Variants in PRELID2 observed in about 807,000 individuals in gnomAD.
The protein encoded by PRELID2 is PRELI domain-containing protein 2.
In PRELID2, 25 loss-of-function variants were observed where a neutral mutation model predicts 28.4. The observed-to-expected ratio is 0.88, with a 90% CI of 0.64 to 1.23. The LOEUF (loss-of-function observed/expected upper bound fraction) is 1.23, where lower values mean the gene tolerates loss of function less well. Among genes scored for constraint, PRELID2 ranks in the 50% most tolerant of loss-of-function variants. The pLI, the probability that PRELID2 is intolerant of heterozygous loss-of-function variation, is 0.00. For synonymous variants in PRELID2, 76 were observed against 71.6 expected, an observed-to-expected ratio of 1.06 and a Z score of -0.31; for missense variants, 201 against 214.4, an observed-to-expected ratio of 0.94 and a Z score of 0.39.
intron 1 of PRELID2, among the ~76,000 whole-genome samples, chr5:145,575,131 C>T (rs1379851294): frequency 1.3e-5 from 2 of 152,154 alleles, no homozygotes; most frequent in African/African-American, 4.8e-5. Context: ...CTGCTGCTGA[C>T]TCATTAGGCC....
At chr5:145,376,706 G>A in the PRELID2 span, among the ~76,000 whole-genome samples, 1 of 152,124 alleles carries the variant, frequency 6.6e-6, no homozygotes, top group African/African-American at 2.4e-5. Flanking sequence ...CTCTGATGAG[G>A]TTGTTTGTAT....
At chr5:145,316,118 C>T in the PRELID2 span, among the ~76,000 whole-genome samples, 1 of 152,128 alleles carries the variant, frequency 6.6e-6, no homozygotes, top group South Asian at 2.1e-4. Flanking sequence ...AGAATATTTA[C>T]ACCATAGGAG....
chr5:145,829,963 AAAAT>A (rs1755474524), intron 1 of PRELID2, among the ~76,000 whole-genome samples: 1 of 152,250 alleles, frequency 6.6e-6, no homozygotes, highest in Admixed American at 6.5e-5. Context: ...GCTCCCAGCC[AAAAT>A]AAATAACACC....
intron 1 of PRELID2, among the ~76,000 whole-genome samples, chr5:145,744,555 T>C (rs529210004): frequency 2.0e-5 from 3 of 152,224 alleles, no homozygotes; most frequent in South Asian, 2.1e-4. Context: ...GGCGCGGTAG[T>C]GAACCAGATG....
At chr5:145,740,007 A>C (rs1756610817) in intron 1 of PRELID2, among the ~76,000 whole-genome samples, 1 of 151,350 alleles carries the variant, frequency 6.6e-6, no homozygotes, top group East Asian at 1.9e-4. Context: ...ATTAAATGTA[A>C]ATGGCCAAAA....
the PRELID2 span, among the ~76,000 whole-genome samples, chr5:145,292,678 T>C: frequency 6.6e-6 from 1 of 152,120 alleles, no homozygotes; most frequent in Non-Finnish European, 1.5e-5. Context: ...AAAAACAGTG[T>C]TTCTTAAAAA....
intron 1 of PRELID2, among the ~76,000 whole-genome samples, chr5:145,481,650 A>AAAAAAAAAAAAAAG (rs1752162758): frequency 1.7e-5 from 2 of 117,850 alleles, no homozygotes; most frequent in African/African-American, 6.5e-5. Context: ...AAAAAAAAAA[A>AAAAAAAAAAAAAAG]AAAGAAAGAA....
chr5:145,460,776 C>T, the PRELID2 span, among the ~76,000 whole-genome samples: 1 of 152,144 alleles, frequency 6.6e-6, no homozygotes, highest in Middle Eastern at 3.2e-3. Flanking sequence ...AGCCCAAAGT[C>T]CATGTTTTCT....
At chr5:145,238,670 C>A in the PRELID2 span, among the ~76,000 whole-genome samples, 83 of 152,144 alleles carry the variant, frequency 5.5e-4, no homozygotes, top group African/African-American at 1.9e-3. Flanking sequence ...CATCTGACTA[C>A]TCTGTTACTT....
intron 1 of PRELID2, among the ~76,000 whole-genome samples, chr5:145,639,191 A>T (rs1473317143): frequency 6.6e-6 from 1 of 152,214 alleles, no homozygotes; most frequent in Non-Finnish European, 1.5e-5. Flanking sequence ...AACCTATTGC[A>T]TATATAATTC....
rs1581209852 is a variant in PRELID2 at position 145,790,890 on chromosome 5, G to A, written c.474+5552C>T. Among the ~76,000 whole-genome samples, 5 of 39,486 alleles carry A rather than the reference G, an allele frequency of 1.3e-4. No homozygotes were observed. In the South Asian group the frequency reaches 5.1e-3, roughly 40 times the overall value. 25.9% of individuals were successfully genotyped at this position (39,486 alleles called of 152,430 possible). A position where few individuals can be genotyped will look rare whatever the true frequency, so the allele number is the denominator to read the frequency against. Reference sequence around the variant, plus strand: ...AATTAATCCAGCAATTTCACTTCTGGGTATATATATATATATATATACCAA... The same window carrying A: ...AATTAATCCAGCAATTTCACTTCTGAGTATATATATATATATATATACCAA... On this transcript the variant is annotated intron_variant, in intron 5 of 6. Coordinates refer to ENST00000683046, the MANE Select transcript of PRELID2 (RefSeq NM_205846.3).
chr5:145,657,886 C>T (rs1754423443), intron 1 of PRELID2, among the ~76,000 whole-genome samples: 1 of 152,152 alleles, frequency 6.6e-6, no homozygotes, highest in African/African-American at 2.4e-5. Context: ...GTTAAGCATT[C>T]CACAGTCACT....
the PRELID2 span, among the ~76,000 whole-genome samples, chr5:145,291,919 A>C: frequency 6.6e-6 from 1 of 152,190 alleles, no homozygotes; most frequent in Non-Finnish European, 1.5e-5. Context: ...GCCTTTGTTA[A>C]AAGTAAGTTG....
chr5:145,581,007 C>G (rs1753102739), intron 1 of PRELID2, among the ~76,000 whole-genome samples: 1 of 152,018 alleles, frequency 6.6e-6, no homozygotes, highest in South Asian at 2.1e-4. Flanking sequence ...ACCTCACCTA[C>G]TTTGTATCTT....
chr5:145,808,816 C>G (rs973107369), intron 4 of PRELID2, among the ~76,000 whole-genome samples: 2 of 151,848 alleles, frequency 1.3e-5, no homozygotes, highest in Admixed American at 1.3e-4. Context: ...CCCCGAAGTT[C>G]AAGGCTGCAG....
At position 145,816,328 on chromosome 5, in the gene PRELID2, C is replaced by T. The variant is rs142131424; in HGVS notation, c.368+1566G>A. Among the ~76,000 whole-genome samples the T allele has an allele frequency of 3.1e-3, 471 of 152,028 alleles. 2 individuals carry two copies. Among genetic ancestry groups the T allele is most frequent in the African/African-American group, 0.01 (426 of 41,476 alleles). On this transcript the variant is annotated intron_variant, in intron 4 of 6. Transcript: ENST00000683046. ...AACTCCTGGACTCAAGTGATCACCC[C>T]GCCTTGGCCTCCCAAAGTGCTAGGA...
At chr5:145,418,711 C>T in the PRELID2 span, among the ~76,000 whole-genome samples, 76 of 149,782 alleles carry the variant, frequency 5.1e-4, no homozygotes, top group Non-Finnish European at 9.5e-4. Context: ...AAACTGAACC[C>T]CTTCCTTATA....
chr5:145,633,636 C>T (rs1753962288), intron 1 of PRELID2, among the ~76,000 whole-genome samples: 1 of 152,238 alleles, frequency 6.6e-6, no homozygotes, highest in Non-Finnish European at 1.5e-5. Flanking sequence ...ACTCCAATAT[C>T]ATGCTGTTTG....
intron 1 of PRELID2, among the ~76,000 whole-genome samples, chr5:145,543,060 C>T (rs755406597): frequency 4.6e-5 from 7 of 152,102 alleles, no homozygotes; most frequent in Non-Finnish European, 1.0e-4. Flanking sequence ...GATTTCAGCT[C>T]ATTGTTGACC....
Sources: gnomAD v4.1 joint callset for allele counts (sites outside exome capture counted in the v4.1 genomes callset) on GRCh38, gnomAD v4.1.1 for gene constraint, MANE v1.5 for transcripts, NCBI Gene and HGNC (gene_info 2026-07-23, HGNC 2026-07-21) for gene names.